Variants in TENM2 observed in about 807,000 individuals in gnomAD.
TENM2 encodes the protein teneurin transmembrane protein 2.
In TENM2, 52 loss-of-function variants were observed where a neutral mutation model predicts 245.2. The observed-to-expected ratio is 0.21, with a 90% CI of 0.17 to 0.27. TENM2 has a LOEUF of 0.27. Ranked by LOEUF, TENM2 falls within the 10% of genes least tolerant of loss-of-function variation. The probability of loss-of-function intolerance (pLI) is 1.00; values close to 1 mark genes in which losing one functional copy is unlikely to be tolerated. For missense variants in TENM2, 3,046 were observed against 3,666.8 expected (o/e 0.83, Z 4.37); for synonymous variants, 1,363 against 1,438.9 (o/e 0.95, Z 1.19).
At chr5:168,250,118 GGA>G (rs1766976087) in intron 27 of TENM2, among the ~76,000 whole-genome samples, 1 of 82,156 alleles carries the variant, frequency 1.2e-5, no homozygotes, top group Non-Finnish European at 2.2e-5. Flanking sequence ...ATGGATGGAT[GGA>G]TGGATGGATG....
At chr5:167,512,087 T>C (rs1306023481) in intron 2 of TENM2, among the ~76,000 whole-genome samples, 1 of 152,174 alleles carries the variant, frequency 6.6e-6, no homozygotes, top group Admixed American at 6.5e-5. Flanking sequence ...TGTGAAGCTC[T>C]AGATTTGAAA....
rs751643269 is a variant in TENM2 at position 167,433,166 on chromosome 5, C to G, written c.502+57693C>G. Among the ~76,000 whole-genome samples, 95 of 151,172 alleles carry G rather than the reference C, an allele frequency of 6.3e-4. 2 individuals are homozygous for G. The Middle Eastern group carries it at 0.017, about 27-fold the overall frequency. ...ATGCATTTCTGTATTTTTTCCTTAACAAAGTTTATTAACAGCAGGTAATCT... is the reference window on the plus strand; with the variant it reads ...ATGCATTTCTGTATTTTTTCCTTAAGAAAGTTTATTAACAGCAGGTAATCT... On this transcript the variant is annotated intron_variant, in intron 2 of 28. Coordinates refer to ENST00000518659, the Ensembl canonical transcript of TENM2.
the TENM2 span, among the ~76,000 whole-genome samples, chr5:167,100,581 T>A: frequency 6.6e-6 from 1 of 152,172 alleles, no homozygotes; most frequent in African/African-American, 2.4e-5. Flanking sequence ...TCTTTTTGCT[T>A]TAATAGTTGA....
the TENM2 span, among the ~76,000 whole-genome samples, chr5:167,192,422 A>G: frequency 2.6e-4 from 40 of 152,170 alleles, 1 homozygote; most frequent in African/African-American, 9.1e-4. Context: ...CCCAGCATAC[A>G]CTTATAAGAG....
At chr5:167,923,499 C>G (rs1400509517) in intron 3 of TENM2, among the ~76,000 whole-genome samples, 1 of 152,072 alleles carries the variant, frequency 6.6e-6, no homozygotes, top group East Asian at 1.9e-4. Context: ...AATCTCAGAA[C>G]CTCCGCCGCT....
intron 2 of TENM2, among the ~76,000 whole-genome samples, chr5:167,564,967 A>G (rs954271399): frequency 1.3e-5 from 2 of 152,252 alleles, no homozygotes; most frequent in Admixed American, 1.3e-4. Flanking sequence ...GAATACACGA[A>G]GGTAAGATAC....
the TENM2 span, among the ~76,000 whole-genome samples, chr5:167,102,421 A>G: frequency 6.6e-6 from 1 of 152,166 alleles, no homozygotes; most frequent in East Asian, 1.9e-4. Flanking sequence ...AATCCTCACA[A>G]GGACCCTGAG....
chr5:167,117,228 G>A, the TENM2 span, among the ~76,000 whole-genome samples: 1 of 152,330 alleles, frequency 6.6e-6, no homozygotes, highest in Non-Finnish European at 1.5e-5. Flanking sequence ...AACAGGCTGG[G>A]CGCCATGGCT....
chr5:167,172,787 T>A, the TENM2 span, among the ~76,000 whole-genome samples: 2 of 152,074 alleles, frequency 1.3e-5, no homozygotes, highest in Non-Finnish European at 2.9e-5. Flanking sequence ...TTTATTTATT[T>A]ATTTATTTTA....
chr5:166,991,848 A>G, the TENM2 span, among the ~76,000 whole-genome samples: 1 of 152,226 alleles, frequency 6.6e-6, no homozygotes, highest in South Asian at 2.1e-4. Flanking sequence ...ACCTATTAGT[A>G]AGTCTTGTCT....
intron 2 of TENM2, among the ~76,000 whole-genome samples, chr5:167,795,336 A>G (rs1441989494): frequency 1.3e-5 from 2 of 152,206 alleles, no homozygotes; most frequent in Non-Finnish European, 2.9e-5. Flanking sequence ...TTTGCAGGAA[A>G]GTGTTTTGGG....
intron 6 of TENM2, among the ~76,000 whole-genome samples, chr5:168,049,504 C>G (rs1370609570): frequency 2.6e-5 from 4 of 152,118 alleles, no homozygotes; most frequent in African/African-American, 9.7e-5. Context: ...CTCTACTGGC[C>G]TCCGTAAATT....
At chr5:168,238,351 C>T (rs1199030625) in intron 25 of TENM2, among the ~76,000 whole-genome samples, 1 of 151,930 alleles carries the variant, frequency 6.6e-6, no homozygotes, top group Non-Finnish European at 1.5e-5. Flanking sequence ...TCCTCTAGGC[C>T]AGGCTTTACC....
chr5:167,117,741 T>C, the TENM2 span, among the ~76,000 whole-genome samples: 3 of 152,166 alleles, frequency 2.0e-5, no homozygotes, highest in Non-Finnish European at 4.4e-5. Context: ...TAATTCTTTG[T>C]TGTGGGGGAG....
At chr5:167,347,836 A>G (rs1758562912) in intron 1 of TENM2, among the ~76,000 whole-genome samples, 1 of 152,194 alleles carries the variant, frequency 6.6e-6, no homozygotes, top group Non-Finnish European at 1.5e-5. Flanking sequence ...AAATTAGACA[A>G]GGTACCTTCT....
intron 2 of TENM2, among the ~76,000 whole-genome samples, chr5:167,413,129 T>C (rs1468746548): frequency 6.6e-6 from 1 of 152,130 alleles, no homozygotes; most frequent in African/African-American, 2.4e-5. Flanking sequence ...TTTACCCTGG[T>C]TTATTTATTT....
intron 2 of TENM2, among the ~76,000 whole-genome samples, chr5:167,430,594 T>C (rs1764155572): frequency 6.6e-6 from 1 of 152,152 alleles, no homozygotes; most frequent in African/African-American, 2.4e-5. Flanking sequence ...ACAACTAGAA[T>C]AACCAGAGAG....
At chr5:168,107,728 A>C (rs1206057049) in intron 9 of TENM2, among the ~76,000 whole-genome samples, 5 of 152,192 alleles carry the variant, frequency 3.3e-5, no homozygotes, top group Admixed American at 2.0e-4. Context: ...ATAAAGTGTG[A>C]GGCCCTGCTT....
intron 2 of TENM2, among the ~76,000 whole-genome samples, chr5:167,797,574 T>G (rs1375489597): frequency 6.6e-6 from 1 of 152,216 alleles, no homozygotes; most frequent in African/African-American, 2.4e-5. Flanking sequence ...ATTGTATTTC[T>G]TTCGCAATGT....
Sources: gnomAD v4.1 joint callset for allele counts (sites outside exome capture counted in the v4.1 genomes callset) on GRCh38, gnomAD v4.1.1 for gene constraint, MANE v1.5 for transcripts, NCBI Gene and HGNC (gene_info 2026-07-23, HGNC 2026-07-21) for gene names.